Variants in FAT1 observed in about 807,000 individuals in gnomAD.
FAT1 encodes FAT atypical cadherin 1, also known as protocadherin Fat 1.
In FAT1, 171 loss-of-function variants were observed where a neutral mutation model predicts 329.8. The ratio of observed to expected loss-of-function variants is 0.52; its 90% CI spans 0.46 to 0.59. FAT1 has a LOEUF of 0.59. FAT1 is among the 20% of genes least tolerant of loss of function. The pLI is 0.00. For missense variants in FAT1, 5,672 were observed against 5,774.4 expected (o/e 0.98, Z 0.57); for synonymous variants, 2,233 against 2,228.6 (o/e 1.00, Z -0.06).
intron 7 of FAT1, among the ~76,000 whole-genome samples, chr4:186,633,011 T>G (rs1461469930): frequency 1.3e-5 from 2 of 152,162 alleles, no homozygotes; most frequent in African/African-American, 4.8e-5. Flanking sequence ...CAACAAATAC[T>G]TGGTAAATAA....
At chr4:186,601,449 A>C in intron 20 of FAT1, 23 bp from the exon 21 acceptor site, 1 of 1,591,122 alleles carries the variant, frequency 6.3e-7, no homozygotes, top group Non-Finnish European at 8.6e-7. Context: ...CAGAGGAAAA[A>C]ATAAACCAGA....
chr4:186,617,209 A>G lies in FAT1; in HGVS notation c.8879-8T>C. The stretch of plus-strand genomic sequence containing the variant: ...GTCCTAAAGGATCCCCTCCTATTAA[A>G]TCAATGGAGGAAGATAATAATCAAA... On this transcript the variant is annotated splice_polypyrimidine_tract_variant and splice_region_variant and intron_variant, in intron 10 of 26. Transcript: ENST00000441802. The G allele has an allele frequency of 6.5e-7, 1 of 1,543,194 alleles. No homozygotes were observed. The highest frequency in any genetic ancestry group is 8.8e-7 in the Non-Finnish European group (1 of 1,138,208).
intron 1 of FAT1, among the ~76,000 whole-genome samples, chr4:186,717,752 G>A (rs576167463): frequency 1.1e-4 from 17 of 152,188 alleles, no homozygotes; most frequent in African/African-American, 3.1e-4. Context: ...TCCTGGGAAC[G>A]ACAAGACAGG....
intron 3 of FAT1, among the ~76,000 whole-genome samples, chr4:186,656,007 C>T (rs1481859885): frequency 2.0e-5 from 3 of 152,220 alleles, no homozygotes; most frequent in Admixed American, 6.5e-5. Context: ...GCCATACCAC[C>T]GCCACTGAAG....
intron 2 of FAT1, among the ~76,000 whole-genome samples, chr4:186,668,009 T>A (rs570636250): frequency 6.6e-6 from 1 of 152,224 alleles, no homozygotes; most frequent in East Asian, 1.9e-4. Context: ...ACAAGGAGTT[T>A]CCCAGTGTGG....
At position 186,618,936 on chromosome 4, in the gene FAT1, A is replaced by C. The variant is rs1245815436; in HGVS notation, c.7650T>G (p.Thr2550=). The C allele has an allele frequency of 6.2e-7, 1 of 1,613,946 alleles. No individual in the cohort carries two copies. The highest frequency in any genetic ancestry group is 8.5e-7 in the Non-Finnish European group (1 of 1,179,888). The change falls in exon 10 of 27, where the codon ACT becomes ACG. Residue 2550 remains threonine, a synonymous_variant. Transcript: ENST00000441802. ...FYINERGQIF[T]LEKLDRETPA... is the part of the protein sequence containing the mutation. ...GGGTTTCTCGATCAAGTTTTTCCAA[A>C]GTAAATATCTGTCCTCTCTCATTTA...
chr4:186,624,413 C>A (rs893019427), intron 9 of FAT1, among the ~76,000 whole-genome samples: 1 of 152,126 alleles, frequency 6.6e-6, no homozygotes, highest in Non-Finnish European at 1.5e-5. Flanking sequence ...ACTCTCAAGG[C>A]AATTACTTAA....
At chr4:186,659,033 C>T (rs1188743107) in intron 3 of FAT1, among the ~76,000 whole-genome samples, 6 of 152,240 alleles carry the variant, frequency 3.9e-5, no homozygotes, top group Non-Finnish European at 7.3e-5. Context: ...ACGATCGAAC[C>T]GCACATACGA....
chr4:186,662,345 T>A (rs948327292), intron 3 of FAT1, among the ~76,000 whole-genome samples: 9 of 152,204 alleles, frequency 5.9e-5, no homozygotes, highest in Non-Finnish European at 1.2e-4. Flanking sequence ...GTGAACGCAG[T>A]CACCACTTGT....
intron 24 of FAT1, 97 bp from the exon 25 acceptor site, chr4:186,597,268 T>C: frequency 7.7e-7 from 1 of 1,293,954 alleles, no homozygotes; most frequent in Non-Finnish European, 1.0e-6. Context: ...CCCTCCTTGA[T>C]GAGCTATGTG....
chr4:186,601,369 T>C lies in FAT1; in HGVS notation c.11540A>G (p.Asn3847Ser), dbSNP rs761573712. 17 of 1,613,562 alleles carry C rather than the reference T, an allele frequency of 1.1e-5. No individual in the cohort carries two copies. The highest frequency in any genetic ancestry group is 1.4e-5 in the Non-Finnish European group (17 of 1,179,546). The change falls in exon 21 of 27, where the codon AAT becomes AGT. Residue 3847 changes from asparagine (N) to serine (S), a missense_variant. Asn to Ser is a conservative substitution (Grantham distance 46, BLOSUM62 1). Around this residue, in one of 2 missense-constraint regions of FAT1, gnomAD observed 1,706 missense variants for 1,859.1 expected, o/e 0.92. Coordinates refer to ENST00000441802, the MANE Select transcript of FAT1 (RefSeq NM_005245.4). ...CAGTTTCATCTCTAATTTGTTTTCA[T>C]TTTCCGTCAGACGGTATTTCACGTA... ...NSYVKYRLTE[N>S]ENKLEMKLTM...
intron 2 of FAT1, among the ~76,000 whole-genome samples, chr4:186,705,415 GCA>G (rs1005448370): frequency 3.3e-5 from 5 of 152,096 alleles, no homozygotes; most frequent in Non-Finnish European, 7.4e-5. Context: ...CTTTTAAAAT[GCA>G]CAGATTTATA....
intron 2 of FAT1, among the ~76,000 whole-genome samples, chr4:186,699,237 A>G (rs1042369902): frequency 6.6e-6 from 1 of 152,230 alleles, no homozygotes; most frequent in African/African-American, 2.4e-5. Context: ...CAGTCTTCAG[A>G]AACTACATAA....
intron 3 of FAT1, among the ~76,000 whole-genome samples, chr4:186,656,762 A>C (rs1741922986): frequency 6.6e-6 from 1 of 152,214 alleles, no homozygotes; most frequent in Non-Finnish European, 1.5e-5. Context: ...GATATTGCTA[A>C]GTTTCGATTT....
In FAT1 at chr4:186,628,159, T is replaced by C. The variant is rs201740395; in HGVS notation, c.4805A>G (p.Glu1602Gly). 42 of 1,613,518 alleles carry C rather than the reference T, an allele frequency of 2.6e-5. No homozygotes were observed. Among genetic ancestry groups the C allele is most frequent in the Non-Finnish European group, 3.2e-5 (38 of 1,179,780 alleles). The change falls in exon 9 of 27, where the codon GAG (glutamate) becomes GGG (glycine). Residue 1602 changes from glutamate to glycine, a missense_variant. Transcript: ENST00000441802. ...GKNAEVLYSIESGNIGNSFMI... is the reference protein window; with the variant it reads ...GKNAEVLYSIGSGNIGNSFMI... ...ACTGAAGGCTCCAAAAGTACCTGACTCGATCGAGTACAGCACTTCAGCATT... is the reference window on the plus strand; with the variant it reads ...ACTGAAGGCTCCAAAAGTACCTGACCCGATCGAGTACAGCACTTCAGCATT...
At position 186,636,803 on chromosome 4, in the gene FAT1, T is replaced by G. The variant is rs778067422; in HGVS notation, c.3754A>C (p.Ile1252Leu). The change falls in exon 5 of 27, where the codon ATC becomes CTC. Residue 1252 changes from isoleucine to leucine, a missense_variant. Around this residue, in one of 2 missense-constraint regions of FAT1, gnomAD observed 3,966 missense variants for 3,915.2 expected, o/e 1.01. Coordinates refer to ENST00000441802, the MANE Select transcript of FAT1 (RefSeq NM_005245.4). ...GGCTTTTCCCGCTCAGGGAGTCTGA[T>G]TTTGTAGAACTTTTGCAGAAACTGA... is the stretch of plus-strand genomic sequence containing the variant. ...KPQFLQKFYK[I>L]RLPEREKPDR... is the part of the protein sequence containing the mutation. The G allele has an allele frequency of 2.4e-5, 38 of 1,614,030 alleles. No individual in the cohort carries two copies. The South Asian group carries it at 4.2e-4, about 18-fold the overall frequency.
At chr4:186,637,716 G>A (rs1037785519) in intron 4 of FAT1, among the ~76,000 whole-genome samples, 5 of 152,008 alleles carry the variant, frequency 3.3e-5, no homozygotes, top group African/African-American at 1.2e-4. Context: ...TAAATATAAC[G>A]ACATTAGTAA....
At chr4:186,701,697 G>A (rs921827796) in intron 2 of FAT1, among the ~76,000 whole-genome samples, 2 of 152,174 alleles carry the variant, frequency 1.3e-5, no homozygotes, top group African/African-American at 2.4e-5. Context: ...TCCTTCTCCT[G>A]TCACAGGAGG....
intron 7 of FAT1, among the ~76,000 whole-genome samples, 196 bp downstream of exon 7, chr4:186,633,488 T>A (rs961487349): frequency 2.0e-5 from 3 of 152,188 alleles, no homozygotes; most frequent in African/African-American, 7.2e-5. Flanking sequence ...AACTGCTTAA[T>A]TATATGCAAA....
Sources: allele counts gnomAD v4.1 joint callset (sites outside exome capture counted in the v4.1 genomes callset), GRCh38; gene constraint gnomAD v4.1.1; regional missense constraint gnomAD v4.1.1; transcripts MANE v1.5; gene names NCBI Gene and HGNC (gene_info 2026-07-23, HGNC 2026-07-21).